SPOCK1: variants seen among roughly 807,000 people sequenced by gnomAD.
The protein encoded by SPOCK1 is testican-1.
SPOCK1 carries 23 observed loss-of-function variants against 55.3 expected under a neutral mutation model. That is an observed-to-expected ratio of 0.42 (90% CI 0.30 to 0.59). SPOCK1 has a LOEUF of 0.59. Among genes scored for constraint, SPOCK1 ranks in the 20% least tolerant of loss-of-function variants. The pLI, the probability that SPOCK1 is intolerant of heterozygous loss-of-function variation, is 0.22. For missense variants in SPOCK1, 499 were observed against 552.5 expected (o/e 0.90, Z 0.97); for synonymous variants, 226 against 221.0 (o/e 1.02, Z -0.20).
At chr5:137,437,957 T>C (rs956653847) in intron 2 of SPOCK1, among the ~76,000 whole-genome samples, 1 of 152,228 alleles carries the variant, frequency 6.6e-6, no homozygotes, top group Non-Finnish European at 1.5e-5. Context: ...CCTTAATTTC[T>C]GTTTCTGTGA....
rs571550679 is a variant in SPOCK1 at position 137,495,196 on chromosome 5, C to A, written c.186+3177G>T. On this transcript the variant is annotated intron_variant, in intron 2 of 10. Transcript: ENST00000394945. Reference sequence around the variant, plus strand: ...ATAAGCCATGGAGTTGTTCTAAAGGCTTTACTTCTAAAAAGAAGGGGATAG... The same window carrying A: ...ATAAGCCATGGAGTTGTTCTAAAGGATTTACTTCTAAAAAGAAGGGGATAG... Among the ~76,000 whole-genome samples the A allele has an allele frequency of 7.2e-5, 11 of 152,250 alleles. No homozygotes were observed. The East Asian group carries it at 2.1e-3, about 29-fold the overall frequency.
intron 2 of SPOCK1, among the ~76,000 whole-genome samples, chr5:137,330,877 A>G (rs1457453829): frequency 6.6e-6 from 1 of 152,246 alleles, no homozygotes; most frequent in East Asian, 1.9e-4. Flanking sequence ...TACCTATTAT[A>G]TCAGGTAACT....
chr5:137,084,839 C>G (rs964201678), intron 5 of SPOCK1, among the ~76,000 whole-genome samples: 1 of 151,828 alleles, frequency 6.6e-6, no homozygotes, highest in Non-Finnish European at 1.5e-5. Flanking sequence ...ATGCCAACCT[C>G]ACTACACCAC....
chr5:137,132,348 TC>T (rs1753902508), intron 4 of SPOCK1, among the ~76,000 whole-genome samples: 1 of 151,966 alleles, frequency 6.6e-6, no homozygotes. Flanking sequence ...CAAGATCTGA[TC>T]CCTAATGGAA....
intron 4 of SPOCK1, among the ~76,000 whole-genome samples, chr5:137,113,808 G>A (rs1479465868): frequency 6.6e-6 from 1 of 152,082 alleles, no homozygotes; most frequent in African/African-American, 2.4e-5. Flanking sequence ...CCCAGGCTTG[G>A]AATGGCATTT....
chr5:137,279,167 A>T (rs1757125729), intron 2 of SPOCK1, among the ~76,000 whole-genome samples: 1 of 152,298 alleles, frequency 6.6e-6, no homozygotes, highest in East Asian at 1.9e-4. Flanking sequence ...GTATTTTCTA[A>T]AGCATACTGC....
At chr5:137,075,897 G>A (rs1282980647) in intron 5 of SPOCK1, among the ~76,000 whole-genome samples, 2 of 152,202 alleles carry the variant, frequency 1.3e-5, no homozygotes, top group Non-Finnish European at 2.9e-5. Context: ...TATCTCCTCT[G>A]CCTGGGATTT....
chr5:137,248,383 T>C (rs1342653792), intron 3 of SPOCK1, among the ~76,000 whole-genome samples: 1 of 152,210 alleles, frequency 6.6e-6, no homozygotes, highest in Non-Finnish European at 1.5e-5. Flanking sequence ...TTGGGTCATA[T>C]AGGTGTAAGT....
chr5:137,171,777 C>T (rs575957128), intron 3 of SPOCK1, among the ~76,000 whole-genome samples: 6 of 152,194 alleles, frequency 3.9e-5, no homozygotes, highest in South Asian at 4.1e-4. Flanking sequence ...CTAACAATTC[C>T]TACAAAGAGA....
chr5:137,224,830 T>C (rs1485971418), intron 3 of SPOCK1, among the ~76,000 whole-genome samples: 1 of 152,132 alleles, frequency 6.6e-6, no homozygotes, highest in Non-Finnish European at 1.5e-5. Context: ...GGAAGACAAT[T>C]AGCCAGGCTC....
At chr5:137,447,935 G>A (rs1224810014) in intron 2 of SPOCK1, among the ~76,000 whole-genome samples, 3 of 152,086 alleles carry the variant, frequency 2.0e-5, no homozygotes, top group Non-Finnish European at 4.4e-5. Flanking sequence ...CATCAAATAG[G>A]CATTAAGCAT....
At chr5:137,252,270 A>T (rs141211140) in intron 3 of SPOCK1, among the ~76,000 whole-genome samples, 3 of 152,326 alleles carry the variant, frequency 2.0e-5, no homozygotes, top group African/African-American at 7.2e-5. Flanking sequence ...CCCCCATGCT[A>T]TCTGGAAATT....
chr5:137,225,579 G>A (rs993613527), intron 3 of SPOCK1, among the ~76,000 whole-genome samples: 2 of 152,036 alleles, frequency 1.3e-5, no homozygotes, highest in East Asian at 3.9e-4. Flanking sequence ...TAGACCTTCC[G>A]CACTCTCAAA....
rs138550799 is a variant in SPOCK1 at position 136,990,791 on chromosome 5, G to A, written c.706+1693C>T. On this transcript the variant is annotated intron_variant, in intron 7 of 10. Transcript: ENST00000394945. Reference sequence around the variant, plus strand: ...AAGAGGAGTTTACTGCTGACTGGTCGGCAAAAAGAAGTGCCAATCTGGTTG... The same window carrying A: ...AAGAGGAGTTTACTGCTGACTGGTCAGCAAAAAGAAGTGCCAATCTGGTTG... Among the ~76,000 whole-genome samples, 696 of 152,060 alleles carry A rather than the reference G, an allele frequency of 4.6e-3. 3 individuals are homozygous for A. Among genetic ancestry groups the A allele is most frequent in the African/African-American group, 0.016 (679 of 41,460 alleles).
intron 2 of SPOCK1, among the ~76,000 whole-genome samples, chr5:137,433,568 C>T (rs1189556843): frequency 6.6e-6 from 1 of 152,178 alleles, no homozygotes; most frequent in African/African-American, 2.4e-5. Context: ...CCACCTCTTT[C>T]ATGTCACTAT....
chr5:137,032,398 G>T (rs1226060599), intron 6 of SPOCK1, among the ~76,000 whole-genome samples: 1 of 152,152 alleles, frequency 6.6e-6, no homozygotes, highest in East Asian at 1.9e-4. Flanking sequence ...ATACCAAAAG[G>T]GAAGAATGAC....
At chr5:137,069,311 T>C (rs1752565772) in intron 5 of SPOCK1, among the ~76,000 whole-genome samples, 3 of 152,332 alleles carry the variant, frequency 2.0e-5, no homozygotes. Context: ...ACCTACAGAA[T>C]GCTGGCTCCC....
chr5:137,380,327 T>C (rs1042022047), intron 2 of SPOCK1, among the ~76,000 whole-genome samples: 1 of 152,154 alleles, frequency 6.6e-6, no homozygotes, highest in Non-Finnish European at 1.5e-5. Context: ...CACAATAGCT[T>C]CTGGGTACAT....
chr5:137,011,594 A>G (rs1751349605), intron 6 of SPOCK1, among the ~76,000 whole-genome samples: 1 of 152,156 alleles, frequency 6.6e-6, no homozygotes, highest in East Asian at 1.9e-4. Context: ...AATTTATTAC[A>G]TACCTTTTCC....
Sources: allele counts gnomAD v4.1 joint callset (sites outside exome capture counted in the v4.1 genomes callset), GRCh38; gene constraint gnomAD v4.1.1; transcripts MANE v1.5; gene names NCBI Gene and HGNC (gene_info 2026-07-23, HGNC 2026-07-21).